Variants in DNAH11 observed in about 807,000 individuals in gnomAD.
DNAH11 encodes axonemal beta dynein heavy chain 11.
In DNAH11, 442 loss-of-function variants were observed where a neutral mutation model predicts 526.0. That is an observed-to-expected ratio of 0.84 (90% CI 0.78 to 0.91). The LOEUF (loss-of-function observed/expected upper bound fraction) is 0.91. Among genes scored for constraint, DNAH11 ranks in the 40% least tolerant of loss-of-function variants. DNAH11 has a pLI of 0.00. For synonymous variants in DNAH11, 2,461 were observed against 1,935.9 expected, an observed-to-expected ratio of 1.27 and a Z score of -7.12; for missense variants, 6,989 against 5,448.7, an observed-to-expected ratio of 1.28 and a Z score of -8.90.
chr7:21,759,126 C>T (rs773532388), intron 54 of DNAH11, among the ~76,000 whole-genome samples: 5 of 152,162 alleles, frequency 3.3e-5, no homozygotes, highest in African/African-American at 9.7e-5. Context: ...GCAGCTGAGA[C>T]GAGGGCTCTG....
At chr7:21,589,916 A>G (rs1161574252) in intron 12 of DNAH11, among the ~76,000 whole-genome samples, 1 of 152,178 alleles carries the variant, frequency 6.6e-6, no homozygotes, top group Non-Finnish European at 1.5e-5. Context: ...ATTTATTGTC[A>G]TTTCTTTCAA....
chr7:21,734,326 G>C (rs1295685495), intron 45 of DNAH11, among the ~76,000 whole-genome samples: 12 of 152,158 alleles, frequency 7.9e-5, no homozygotes, highest in African/African-American at 2.9e-4. Flanking sequence ...AAGTAAGTGT[G>C]AATTATTGGT....
intron 34 of DNAH11, among the ~76,000 whole-genome samples, chr7:21,688,214 ATC>A (rs1188587832): frequency 6.6e-6 from 1 of 152,118 alleles, no homozygotes; most frequent in Non-Finnish European, 1.5e-5. Flanking sequence ...CCTCTCCTAC[ATC>A]TCTCTCCCCT....
At chr7:21,564,144 AAAC>A (rs774431520) in intron 5 of DNAH11, 39 bp from the exon 6 acceptor site, 38 of 1,466,550 alleles carry the variant, frequency 2.6e-5, no homozygotes, top group South Asian at 2.2e-4. Flanking sequence ...AAAAAAAAAA[AAAC>A]AAACCAGAAT....
In DNAH11 at chr7:21,698,228, G is replaced by T; in HGVS notation, c.6180+15G>T. 1 of 1,612,052 alleles carries T rather than the reference G, an allele frequency of 6.2e-7. No homozygotes were observed. Among genetic ancestry groups the T allele is most frequent in the Non-Finnish European group, 8.5e-7 (1 of 1,179,204 alleles). Reference sequence around the variant, plus strand: ...TCTCCAAGCAGGTGAGGGATCATTTGTTACGTTTTCTTGTTTTTACATACC... The same window carrying T: ...TCTCCAAGCAGGTGAGGGATCATTTTTTACGTTTTCTTGTTTTTACATACC... On this transcript the variant is annotated intron_variant, in intron 36 of 81. Transcript: ENST00000409508.
chr7:21,671,996 T>A, intron 30 of DNAH11, among the ~76,000 whole-genome samples: 1 of 152,176 alleles, frequency 6.6e-6, no homozygotes, highest in South Asian at 2.1e-4. Context: ...GACAACAAAC[T>A]GAGATTCAAC....
chr7:21,828,342 GC>G (rs1441929544), intron 65 of DNAH11, among the ~76,000 whole-genome samples: 1 of 152,108 alleles, frequency 6.6e-6, no homozygotes, highest in Admixed American at 6.5e-5. Context: ...GTTCATTCAT[GC>G]TCTCCTATAA....
chr7:21,848,333 C>CCTCTCT (rs1782499732), intron 66 of DNAH11, among the ~76,000 whole-genome samples: 2 of 89,262 alleles, frequency 2.2e-5, no homozygotes, highest in Admixed American at 1.1e-4. Flanking sequence ...TATCTTTCTC[C>CCTCTCT]ATCTCTCTCT....
At position 21,695,121 on chromosome 7, in the gene DNAH11, A is replaced by G. The variant is rs553449044; in HGVS notation, c.6042-2954A>G. On this transcript the variant is annotated intron_variant, in intron 35 of 81. Coordinates refer to ENST00000409508, the MANE Select transcript of DNAH11 (RefSeq NM_001277115.2). ...ACACAAACAAATAGAAAAGCATTCC[A>G]TGCTCATGGATGGGAAAAATCAGTA... Among the ~76,000 whole-genome samples the G allele has an allele frequency of 2.7e-4, 41 of 152,360 alleles. No individual in the cohort carries two copies. The South Asian group carries it at 7.7e-3, about 28-fold the overall frequency.
At chr7:21,649,211 C>T (rs1787510791) in intron 28 of DNAH11, among the ~76,000 whole-genome samples, 1 of 152,186 alleles carries the variant, frequency 6.6e-6, no homozygotes, top group Admixed American at 6.5e-5. Context: ...GTTAGTACAA[C>T]TACTTGGGAA....
chr7:21,819,423 A>G (rs1277807066), intron 65 of DNAH11, among the ~76,000 whole-genome samples: 1 of 152,152 alleles, frequency 6.6e-6, no homozygotes, highest in Non-Finnish European at 1.5e-5. Context: ...ACCAAAATTT[A>G]CCCAGGCACA....
At chr7:21,585,537 A>T (rs1411178261) in intron 9 of DNAH11, among the ~76,000 whole-genome samples, 1 of 152,252 alleles carries the variant, frequency 6.6e-6, no homozygotes, top group Non-Finnish European at 1.5e-5. Context: ...ACTCTAATAT[A>T]AAAGTATAGT....
chr7:21,577,180 A>G (rs1240425757), intron 8 of DNAH11, among the ~76,000 whole-genome samples: 1 of 152,220 alleles, frequency 6.6e-6, no homozygotes, highest in East Asian at 1.9e-4. Flanking sequence ...TAAAAGCCTG[A>G]TCTCTCCCTA....
intron 45 of DNAH11, among the ~76,000 whole-genome samples, chr7:21,727,404 C>G (rs1785172959): frequency 1.3e-5 from 2 of 152,154 alleles, no homozygotes; most frequent in Admixed American, 1.3e-4. Flanking sequence ...TAGTACTTTT[C>G]ACGTATAACG....
chr7:21,806,594 A>C (rs80272185), intron 62 of DNAH11, among the ~76,000 whole-genome samples: 5,360 of 152,254 alleles, frequency 0.035, 294 homozygotes, highest in African/African-American at 0.12. Context: ...TTCTGACGTC[A>C]TTTTTGTTTT....
chr7:21,642,621 A>G (rs926067753), intron 28 of DNAH11, among the ~76,000 whole-genome samples: 1 of 152,100 alleles, frequency 6.6e-6, no homozygotes. Flanking sequence ...TGGAGCAACA[A>G]TGCAATTTCC....
At chr7:21,864,843 A>G (rs1783211509) in intron 70 of DNAH11, among the ~76,000 whole-genome samples, 186 bp downstream of exon 70, 1 of 152,198 alleles carries the variant, frequency 6.6e-6, no homozygotes, top group South Asian at 2.1e-4. Flanking sequence ...TCTCATTTAG[A>G]TGTAAAGGAG....
intron 61 of DNAH11, among the ~76,000 whole-genome samples, chr7:21,795,836 C>T (rs1788690100): frequency 6.6e-6 from 1 of 152,142 alleles, no homozygotes. Flanking sequence ...GTCAGTTCTG[C>T]ACGTGAGGAT....
In DNAH11 at chr7:21,852,641, G is replaced by A. The variant is rs755667405; in HGVS notation, c.11061+10G>A. On this transcript the variant is annotated intron_variant, in intron 67 of 81. Transcript: ENST00000409508. ...AGAGATAGAGCACAAGGTAGGAAGG[G>A]CAGAGGGTGCCTGGCAGATTCTAAT... 67 of 1,567,710 alleles carry A rather than the reference G, an allele frequency of 4.3e-5. No individual in the cohort carries two copies. Among genetic ancestry groups the A allele is most frequent in the Non-Finnish European group, 5.6e-5 (65 of 1,160,342 alleles).
Sources: allele counts gnomAD v4.1 joint callset (sites outside exome capture counted in the v4.1 genomes callset), GRCh38; gene constraint gnomAD v4.1.1; transcripts MANE v1.5; gene names NCBI Gene and HGNC (gene_info 2026-07-23, HGNC 2026-07-21).